The following PAH variants were observed in gnomAD, a reference collection of about 807,000 sequenced individuals.
The protein encoded by PAH is phenylalanine hydroxylase, also known as phenylalanine-4-hydroxylase.
Under a neutral mutation model 62.0 loss-of-function variants are expected in PAH, and 64 were observed. That is an observed-to-expected ratio of 1.03 (90% CI 0.84 to 1.27). PAH has a LOEUF of 1.27. Among genes scored for constraint, PAH ranks in the 50% most tolerant of loss-of-function variants. PAH has a pLI of 0.00. For synonymous variants in PAH, 195 were observed against 196.2 expected (o/e 0.99, Z 0.05); for missense variants, 579 against 542.8 (o/e 1.07, Z -0.66).
rs576082769 is a variant in PAH at position 102,928,565 on chromosome 12, G to C, written c.-95-11340C>G. On this transcript the variant is annotated intron_variant, in intron 1 of 3. Transcript: ENST00000546844. ...ATCCACTTAGAGACCCCTGACCCTT[G>C]CAGGGACTTGGTAGGTTTGACCATT... Among the ~76,000 whole-genome samples, 13 of 152,254 alleles carry C rather than the reference G, an allele frequency of 8.5e-5. No homozygotes were observed. In the South Asian group the frequency reaches 2.5e-3, roughly 29 times the overall value.
intron 1 of PAH, among the ~76,000 whole-genome samples, chr12:102,927,981 A>G (rs766912620): frequency 6.6e-5 from 10 of 152,224 alleles, no homozygotes; most frequent in Non-Finnish European, 1.0e-4. Context: ...TTTCTAGTTG[A>G]ACATAAATGA....
At chr12:102,877,067 C>T (rs1463522872) in intron 4 of PAH, among the ~76,000 whole-genome samples, 1 of 152,122 alleles carries the variant, frequency 6.6e-6, no homozygotes, top group Non-Finnish European at 1.5e-5. Context: ...TCAGTTTCAA[C>T]GTCGCCACTC....
chr12:102,867,211 T>C (rs1592961917), intron 4 of PAH, among the ~76,000 whole-genome samples: 1 of 152,216 alleles, frequency 6.6e-6, no homozygotes, highest in African/African-American at 2.4e-5. Flanking sequence ...ATTATCCTGT[T>C]CTTTCCGGAA....
chr12:102,911,491 A>G (rs1380037008), intron 2 of PAH, among the ~76,000 whole-genome samples: 1 of 152,124 alleles, frequency 6.6e-6, no homozygotes, highest in Non-Finnish European at 1.5e-5. Context: ...AACCCCTCTA[A>G]GCATCAGTTT....
At chr12:102,882,272 G>A (rs1361777081) in intron 3 of PAH, among the ~76,000 whole-genome samples, 1 of 152,174 alleles carries the variant, frequency 6.6e-6, no homozygotes. Flanking sequence ...CTAGTCCAGA[G>A]TTGGTTTCCT....
chr12:102,909,037 AG>A (rs2082345762), intron 2 of PAH, among the ~76,000 whole-genome samples: 1 of 151,986 alleles, frequency 6.6e-6, no homozygotes, highest in South Asian at 2.1e-4. Flanking sequence ...CATGTTGGCC[AG>A]GCTGGTCTTA....
chr12:102,864,940 T>G (rs892059279), intron 5 of PAH, among the ~76,000 whole-genome samples: 2 of 152,194 alleles, frequency 1.3e-5, no homozygotes, highest in African/African-American at 4.8e-5. Flanking sequence ...AGGCTTTTAA[T>G]TTTTTAAAAA....
intron 1 of PAH, among the ~76,000 whole-genome samples, chr12:102,933,425 G>A (rs891071069): frequency 2.6e-5 from 4 of 152,104 alleles, no homozygotes; most frequent in Non-Finnish European, 4.4e-5. Flanking sequence ...GAATAGTGCT[G>A]CAATAAACAT....
rs184127501 is a variant in PAH, at chr12:102,957,554, G to T, written c.-96+641C>A. 2.7e-5 allele frequency: 4 copies of T among 149,718 alleles called. No homozygotes were observed. Among genetic ancestry groups the T allele is most frequent in the African/African-American group, 7.4e-5 (3 of 40,792 alleles). The allele number at this position is 149,718 out of a possible 1,614,324, so 9.3% of individuals were successfully genotyped here. A position where few individuals can be genotyped will look rare whatever the true frequency, so the allele number is the denominator to read the frequency against. On this transcript the variant is annotated intron_variant, in intron 1 of 4. Transcript: ENST00000551337. The surrounding 1 kb of genome is among the most constrained non-coding windows in gnomAD (Gnocchi z 4.1). The stretch of plus-strand genomic sequence containing the variant: ...GGGTGGGAGGAAGAGGTAAGAGGAG[G>T]GGGGGGAGTGGGGGCTGCAGCCGCT...
At chr12:102,948,949 T>C (rs1879617438) in intron 1 of PAH, among the ~76,000 whole-genome samples, 2 of 152,126 alleles carry the variant, frequency 1.3e-5, no homozygotes, top group South Asian at 4.1e-4. Context: ...TGGAGAAGAA[T>C]TAATGGAATA....
At chr12:102,926,712 G>C (rs1878693172) in intron 1 of PAH, among the ~76,000 whole-genome samples, 1 of 152,092 alleles carries the variant, frequency 6.6e-6, no homozygotes, top group South Asian at 2.1e-4. Flanking sequence ...ATTTGTGATT[G>C]AATCAATTAT....
At chr12:102,920,960 A>C (rs1026624727), upstream of PAH, among the ~76,000 whole-genome samples, 1 of 152,112 alleles carries the variant, frequency 6.6e-6, no homozygotes, top group Admixed American at 6.6e-5. Flanking sequence ...ATTTTTCACC[A>C]CCCCAAACAA....
intron 1 of PAH, chr12:102,958,049 T>C: frequency 2.4e-6 from 1 of 409,650 alleles, no homozygotes; most frequent in Non-Finnish European, 4.2e-6. Context: ...CATTTTCACT[T>C]TTTTTGCTCC....
intron 5 of PAH, among the ~76,000 whole-genome samples, chr12:102,864,876 G>A (rs931371451): frequency 1.1e-4 from 16 of 151,096 alleles, no homozygotes; most frequent in African/African-American, 3.9e-4. Context: ...AGAAAGACAT[G>A]GTAAAAAGAG....
chr12:102,898,522 C>T (rs1337034082), intron 2 of PAH, among the ~76,000 whole-genome samples: 1 of 152,086 alleles, frequency 6.6e-6, no homozygotes, highest in Non-Finnish European at 1.5e-5. Flanking sequence ...ATTCACTGAA[C>T]TTGTAGTTGA....
intron 8 of PAH, among the ~76,000 whole-genome samples, chr12:102,851,449 T>G (rs898614993): frequency 1.3e-5 from 2 of 152,142 alleles, no homozygotes; most frequent in Non-Finnish European, 2.9e-5. Context: ...AAAATGAGAT[T>G]AGTACACTGA....
At chr12:102,868,786 G>A (rs1349865138) in intron 4 of PAH, among the ~76,000 whole-genome samples, 1 of 151,970 alleles carries the variant, frequency 6.6e-6, no homozygotes, top group African/African-American at 2.4e-5. Flanking sequence ...CCATACTTGG[G>A]GCTCAAAATA....
intron 2 of PAH, among the ~76,000 whole-genome samples, chr12:102,906,210 C>T (rs960594102): frequency 6.6e-6 from 1 of 152,092 alleles, no homozygotes; most frequent in Non-Finnish European, 1.5e-5. Context: ...CAATAATAAG[C>T]ATATATTCTT....
chr12:102,897,835 A>G (rs1877578205), intron 2 of PAH, among the ~76,000 whole-genome samples: 1 of 152,212 alleles, frequency 6.6e-6, no homozygotes, highest in African/African-American at 2.4e-5. Flanking sequence ...GTCCAAATGC[A>G]TCCTCTAAAA....
Sources: gnomAD v4.1 joint callset for allele counts (sites outside exome capture counted in the v4.1 genomes callset) on GRCh38, gnomAD v4.1.1 for gene constraint, Gnocchi (gnomAD v3.1) non-coding constraint, MANE v1.5 for transcripts, NCBI Gene and HGNC (gene_info 2026-07-23, HGNC 2026-07-21) for gene names.